DDAH1: variants seen among roughly 807,000 people sequenced by gnomAD.
DDAH1 encodes the protein N(G),N(G)-dimethylarginine dimethylaminohydrolase 1.
DDAH1 carries 19 observed loss-of-function variants against 28.8 expected under a neutral mutation model. The observed-to-expected ratio is 0.66, with a 90% CI of 0.46 to 0.97. The LOEUF is 0.97. DDAH1 is among the 50% of genes least tolerant of loss of function. DDAH1 has a pLI of 0.00. For synonymous variants in DDAH1, 153 were observed against 154.4 expected, an observed-to-expected ratio of 0.99 and a Z score of 0.07; for missense variants, 326 against 375.9, an observed-to-expected ratio of 0.87 and a Z score of 1.10.
chr1:85,346,509 T>C (rs1053301291), intron 4 of DDAH1, among the ~76,000 whole-genome samples: 3 of 152,114 alleles, frequency 2.0e-5, no homozygotes, highest in South Asian at 2.1e-4. Context: ...AGATTCAGTA[T>C]GGAGTAGGTT....
chr1:85,379,146 G>C (rs1447962921), intron 1 of DDAH1, among the ~76,000 whole-genome samples: 2 of 152,180 alleles, frequency 1.3e-5, no homozygotes, highest in African/African-American at 2.4e-5. Flanking sequence ...ATTAAGGGAT[G>C]TAAGTGGCCT....
At chr1:85,387,092 G>A (rs1314313237) in intron 1 of DDAH1, among the ~76,000 whole-genome samples, 1 of 152,098 alleles carries the variant, frequency 6.6e-6, no homozygotes, top group African/African-American at 2.4e-5. Context: ...TGGTCTTGAA[G>A]GTTTCTGAAA....
chr1:85,433,488 T>A (rs995255173), intron 1 of DDAH1, among the ~76,000 whole-genome samples: 2 of 152,168 alleles, frequency 1.3e-5, no homozygotes, highest in Admixed American at 6.6e-5. Context: ...TCTGGAAACA[T>A]CCTCAGGATT....
chr1:85,508,022 C>G (rs1570621417), intron 1 of DDAH1, among the ~76,000 whole-genome samples: 2 of 152,158 alleles, frequency 1.3e-5, no homozygotes, highest in East Asian at 3.8e-4. Context: ...TGTACCCCAT[C>G]AGGAGGAACA....
intron 1 of DDAH1, among the ~76,000 whole-genome samples, chr1:85,368,907 A>G (rs995736375): frequency 6.6e-6 from 1 of 152,158 alleles, no homozygotes; most frequent in Non-Finnish European, 1.5e-5. Flanking sequence ...TGTATGGGAA[A>G]TATTTTGTAT....
At chr1:85,484,146 T>G (rs1438196607) in intron 2 of DDAH1, among the ~76,000 whole-genome samples, 1 of 116,362 alleles carries the variant, frequency 8.6e-6, no homozygotes, top group Non-Finnish European at 2.0e-5. Flanking sequence ...TTAATCTCTC[T>G]TGGAAGAATA....
At chr1:85,362,790 T>C (rs1400765775) in intron 1 of DDAH1, among the ~76,000 whole-genome samples, 1 of 152,222 alleles carries the variant, frequency 6.6e-6, no homozygotes, top group Non-Finnish European at 1.5e-5. Flanking sequence ...ATGATATTAT[T>C]ATTTTGCCCT....
At chr1:85,502,964 C>T (rs1557699000) in intron 1 of DDAH1, among the ~76,000 whole-genome samples, 1 of 152,218 alleles carries the variant, frequency 6.6e-6, no homozygotes, top group African/African-American at 2.4e-5. Context: ...TCCATAGCTA[C>T]CAGTCAGTGG....
chr1:85,502,324 C>G (rs976826662), intron 1 of DDAH1, among the ~76,000 whole-genome samples: 10 of 152,172 alleles, frequency 6.6e-5, no homozygotes, highest in African/African-American at 2.4e-5. Context: ...TGACTACACC[C>G]CACGCACTCT....
intron 1 of DDAH1, among the ~76,000 whole-genome samples, chr1:85,430,401 T>C (rs1207827333): frequency 1.3e-5 from 2 of 152,242 alleles, no homozygotes; most frequent in Admixed American, 1.3e-4. Context: ...TGGTTCCATA[T>C]GAAATTTTAA....
At chr1:85,575,910 G>T (rs989124132) in intron 1 of DDAH1, 4 of 152,222 alleles carry the variant, frequency 2.6e-5, no homozygotes, top group Admixed American at 2.6e-4. Flanking sequence ...GGGGCCTGTT[G>T]TGGGGTCAGG....
intron 1 of DDAH1, among the ~76,000 whole-genome samples, chr1:85,391,126 T>A (rs201069297): frequency 0.017 from 2,607 of 152,350 alleles, 70 homozygotes; most frequent in East Asian, 0.12. Context: ...ACCTGACTTA[T>A]TCTGCTCCCC....
chr1:85,426,417 C>G (rs1017197879), intron 1 of DDAH1, among the ~76,000 whole-genome samples: 1 of 152,150 alleles, frequency 6.6e-6, no homozygotes, highest in African/African-American at 2.4e-5. Context: ...TGGCTTAAGT[C>G]CTTGCACTCA....
intron 1 of DDAH1, among the ~76,000 whole-genome samples, chr1:85,517,963 C>T (rs1208335984): frequency 1.3e-5 from 2 of 152,120 alleles, no homozygotes; most frequent in African/African-American, 2.4e-5. Flanking sequence ...GACAGCCTAT[C>T]GTTCAAAATT....
At chr1:85,431,358 G>A (rs1429497721) in intron 1 of DDAH1, among the ~76,000 whole-genome samples, 5 of 151,998 alleles carry the variant, frequency 3.3e-5, no homozygotes, top group Non-Finnish European at 7.4e-5. Flanking sequence ...ATTGATAGGA[G>A]GCATTTTAGT....
At chr1:85,462,244 C>G (rs1297721832) in intron 1 of DDAH1, among the ~76,000 whole-genome samples, 1 of 152,090 alleles carries the variant, frequency 6.6e-6, no homozygotes, top group Non-Finnish European at 1.5e-5. Flanking sequence ...GAACCTCGCT[C>G]GATCCATGGA....
intron 2 of DDAH1, among the ~76,000 whole-genome samples, chr1:85,476,333 T>C (rs1655803562): frequency 6.6e-6 from 1 of 152,182 alleles, no homozygotes; most frequent in African/African-American, 2.4e-5. Flanking sequence ...AAACAGTCAT[T>C]TTGTTTGGAC....
chr1:85,371,716 G>T (rs902087830), intron 1 of DDAH1, among the ~76,000 whole-genome samples: 1 of 152,174 alleles, frequency 6.6e-6, no homozygotes, highest in African/African-American at 2.4e-5. Flanking sequence ...AGGACTAAAT[G>T]AAAGTTTGCT....
At chr1:85,381,351 C>T (rs139497844) in intron 1 of DDAH1, among the ~76,000 whole-genome samples, 2 of 15,568 alleles carry the variant, frequency 1.3e-4, no homozygotes, top group Admixed American at 1.1e-3. Context: ...TGCATTGTTT[C>T]TTTTATTTCA....
Sources: allele counts gnomAD v4.1 joint callset (sites outside exome capture counted in the v4.1 genomes callset), GRCh38; gene constraint gnomAD v4.1.1; transcripts MANE v1.5; gene names NCBI Gene and HGNC (gene_info 2026-07-23, HGNC 2026-07-21).